Variants in ROBO1 observed in about 807,000 individuals in gnomAD.
ROBO1 encodes the protein roundabout guidance receptor 1.
A neutral mutation model predicts 195.9 loss-of-function variants in ROBO1; 149 were observed. That is an observed-to-expected ratio of 0.76 (90% CI 0.67 to 0.87). ROBO1 has a LOEUF of 0.87. ROBO1 is among the 40% of genes least tolerant of loss of function. The pLI, the probability that ROBO1 is intolerant of heterozygous loss-of-function variation, is 0.00. For synonymous variants in ROBO1, 816 were observed against 733.2 expected (o/e 1.11, Z -1.82); for missense variants, 1,933 against 2,068.3 (o/e 0.93, Z 1.27).
chr3:79,619,904 C>A (rs1234578232), intron 1 of ROBO1, among the ~76,000 whole-genome samples: 1 of 152,120 alleles, frequency 6.6e-6, no homozygotes, highest in South Asian at 2.1e-4. Flanking sequence ...ACTTAATTAA[C>A]CTCGCCTTCA....
At chr3:79,557,199 G>A (rs1356363336) in intron 2 of ROBO1, among the ~76,000 whole-genome samples, 1 of 151,396 alleles carries the variant, frequency 6.6e-6, no homozygotes, top group Non-Finnish European at 1.5e-5. Flanking sequence ...TGCCTGTCTC[G>A]ATACCCATTA....
At chr3:78,908,068 T>C (rs538151279) in intron 4 of ROBO1, among the ~76,000 whole-genome samples, 60 of 152,144 alleles carry the variant, frequency 3.9e-4, no homozygotes, top group African/African-American at 1.4e-3. Flanking sequence ...GACATTGTTA[T>C]GTATTTCTCT....
At chr3:79,235,540 A>G (rs1490120929) in intron 2 of ROBO1, among the ~76,000 whole-genome samples, 1 of 152,124 alleles carries the variant, frequency 6.6e-6, no homozygotes, top group Non-Finnish European at 1.5e-5. Context: ...GCTCACATCA[A>G]ATGAATGGTC....
chr3:79,202,349 C>G (rs182602287), intron 2 of ROBO1, among the ~76,000 whole-genome samples: 153 of 151,990 alleles, frequency 1.0e-3, no homozygotes, highest in Non-Finnish European at 1.6e-3. Context: ...ACACATGAAG[C>G]CTAAAAATCA....
chr3:78,764,220 A>G (rs2083174346), intron 4 of ROBO1, among the ~76,000 whole-genome samples: 1 of 152,190 alleles, frequency 6.6e-6, no homozygotes, highest in African/African-American at 2.4e-5. Flanking sequence ...ATTTTGAATC[A>G]TAGCATGTTT....
At chr3:79,723,978 A>G (rs1486492141) in intron 1 of ROBO1, among the ~76,000 whole-genome samples, 1 of 152,220 alleles carries the variant, frequency 6.6e-6, no homozygotes, top group Non-Finnish European at 1.5e-5. Context: ...TTATAAGACC[A>G]CTTTGGTGAT....
chr3:79,241,748 T>TAA (rs2082522771), intron 2 of ROBO1, among the ~76,000 whole-genome samples: 1 of 150,332 alleles, frequency 6.7e-6, no homozygotes, highest in Admixed American at 6.7e-5. Flanking sequence ...AATATAAAAA[T>TAA]AAACAATATT....
At chr3:79,448,982 C>A (rs2039358740) in intron 2 of ROBO1, among the ~76,000 whole-genome samples, 1 of 152,124 alleles carries the variant, frequency 6.6e-6, no homozygotes, top group Non-Finnish European at 1.5e-5. Context: ...GCAATCCCAG[C>A]ACTTTGAAAG....
chr3:79,508,662 T>C (rs1349904358), intron 2 of ROBO1, among the ~76,000 whole-genome samples: 1 of 152,238 alleles, frequency 6.6e-6, no homozygotes, highest in Non-Finnish European at 1.5e-5. Context: ...TTTGTGTTAG[T>C]ATTGTAAAAC....
chr3:79,577,286 G>A (rs1233318578), intron 2 of ROBO1, among the ~76,000 whole-genome samples: 1 of 151,988 alleles, frequency 6.6e-6, no homozygotes, highest in African/African-American at 2.4e-5. Context: ...TTACAAGGGG[G>A]CTTTTATTCT....
intron 18 of ROBO1, among the ~76,000 whole-genome samples, chr3:78,654,773 A>C (rs955213087): frequency 6.6e-6 from 1 of 152,212 alleles, no homozygotes; most frequent in African/African-American, 2.4e-5. Flanking sequence ...CCATGGTTTC[A>C]ATCTTAAATA....
At chr3:79,011,395 C>A (rs562543206) in intron 3 of ROBO1, among the ~76,000 whole-genome samples, 94 of 152,262 alleles carry the variant, frequency 6.2e-4, no homozygotes, top group Non-Finnish European at 1.2e-3. Context: ...AATGTAACAG[C>A]AGGCAAGTTA....
intron 3 of ROBO1, among the ~76,000 whole-genome samples, chr3:78,995,673 G>A (rs557010768): frequency 2.4e-3 from 28 of 11,478 alleles, no homozygotes; most frequent in Middle Eastern, 0.071. Context: ...GGCAGAGACC[G>A]GAGGATCACA....
intron 4 of ROBO1, among the ~76,000 whole-genome samples, chr3:78,799,192 T>G (rs1394464040): frequency 6.6e-6 from 1 of 152,156 alleles, no homozygotes; most frequent in African/African-American, 2.4e-5. Context: ...CATTCTTTGG[T>G]GGATAAAACC....
rs556036489 is a variant in ROBO1 at position 79,055,870 on chromosome 3, C to T, written c.172+69586G>A. On this transcript the variant is annotated intron_variant, in intron 3 of 30. Transcript: ENST00000464233. Reference sequence around the variant, plus strand: ...ACACCCATTTGGATTCAGCAGTGGCCACTCTCTAAGGAAAAACTGGAGGTT... The same window carrying T: ...ACACCCATTTGGATTCAGCAGTGGCTACTCTCTAAGGAAAAACTGGAGGTT... Among the ~76,000 whole-genome samples the T allele has an allele frequency of 2.0e-4, 31 of 152,118 alleles. No individual in the cohort carries two copies. In the East Asian group the frequency reaches 5.8e-3, roughly 29 times the overall value.
chr3:79,065,973 A>G (rs2108419862), intron 3 of ROBO1, among the ~76,000 whole-genome samples: 1 of 151,932 alleles, frequency 6.6e-6, no homozygotes, highest in East Asian at 1.9e-4. Context: ...CTAACATCAT[A>G]AGGAATGGAT....
In ROBO1 at chr3:78,597,280, CTT is replaced by C. The variant is rs1209672394; in HGVS notation, c.*1631_*1632del. 1 of 152,502 alleles carries C rather than the reference CTT, an allele frequency of 6.6e-6. No individual in the cohort carries two copies. The highest frequency in any genetic ancestry group is 1.5e-5 in the Non-Finnish European group (1 of 67,984). The allele number at this position is 152,502 out of a possible 1,614,324, so 9.4% of individuals were successfully genotyped here. ...TTTAATAAATAATGTGACAAAATTA[CTT>C]TTCTGATTATTGGATTTTCAGTATG... On this transcript the variant is annotated 3_prime_UTR_variant, in exon 31 of 31. Coordinates refer to ENST00000464233, the MANE Select transcript of ROBO1 (RefSeq NM_002941.4).
chr3:79,647,872 T>C (rs952054749), intron 1 of ROBO1, among the ~76,000 whole-genome samples: 3 of 152,124 alleles, frequency 2.0e-5, no homozygotes, highest in Admixed American at 6.6e-5. Flanking sequence ...TTCTTTAAGA[T>C]AGATTGTCTT....
At chr3:79,566,229 A>T (rs1943086211) in intron 2 of ROBO1, among the ~76,000 whole-genome samples, 1 of 152,150 alleles carries the variant, frequency 6.6e-6, no homozygotes, top group African/African-American at 2.4e-5. Flanking sequence ...AGTTCTTTTA[A>T]TTTACATCAT....
Sources: gnomAD v4.1 joint callset for allele counts (sites outside exome capture counted in the v4.1 genomes callset) on GRCh38, gnomAD v4.1.1 for gene constraint, MANE v1.5 for transcripts, NCBI Gene and HGNC (gene_info 2026-07-23, HGNC 2026-07-21) for gene names.